Variants in TLN2 observed in about 807,000 individuals in gnomAD.
TLN2 encodes the protein talin 2.
In TLN2, 118 loss-of-function variants were observed where a neutral mutation model predicts 294.7. The ratio of observed to expected loss-of-function variants is 0.40; its 90% confidence interval spans 0.34 to 0.47. TLN2 has a LOEUF of 0.47. Ranked by LOEUF, TLN2 falls within the 20% of genes least tolerant of loss-of-function variation. The pLI, the probability that TLN2 is intolerant of heterozygous loss-of-function variation, is 0.84. For missense variants in TLN2, 3,083 were observed against 3,282.2 expected (o/e 0.94, Z 1.48); for synonymous variants, 1,431 against 1,304.5 (o/e 1.10, Z -2.09).
At chr15:62,432,251 A>G (rs935371347) in intron 1 of TLN2, among the ~76,000 whole-genome samples, 2 of 152,232 alleles carry the variant, frequency 1.3e-5, no homozygotes, top group African/African-American at 4.8e-5. Context: ...TGACCATTTT[A>G]GTCTGTTTCA....
chr15:62,690,891 G>C (rs2057822027), intron 12 of TLN2, among the ~76,000 whole-genome samples: 1 of 151,728 alleles, frequency 6.6e-6, no homozygotes, highest in African/African-American at 2.4e-5. Context: ...GTGCGCGCCT[G>C]CAATCGCAGG....
rs186761084 is a variant in TLN2 at position 62,483,956 on chromosome 15, T to C, written c.-238+93271T>C. On this transcript the variant is annotated intron_variant, in intron 1 of 58. Coordinates refer to ENST00000636159, the MANE Select transcript of TLN2 (RefSeq NM_015059.3). Reference sequence around the variant, plus strand: ...ATAAAAGGGCAGTGCGTAGAGAAGATGTTAGGGAAAGTGGTGGGGTGGAAG... The same window carrying C: ...ATAAAAGGGCAGTGCGTAGAGAAGACGTTAGGGAAAGTGGTGGGGTGGAAG... Among the ~76,000 whole-genome samples, 6 of 152,196 alleles carry C rather than the reference T, an allele frequency of 3.9e-5. No homozygotes were observed. The East Asian group carries it at 9.7e-4, about 25-fold the overall frequency.
intron 19 of TLN2, among the ~76,000 whole-genome samples, chr15:62,703,943 G>A (rs748498064): frequency 1.1e-4 from 17 of 152,170 alleles, no homozygotes; most frequent in Non-Finnish European, 2.1e-4. Context: ...AGCTGCTTAC[G>A]TGCTGGTGGG....
intron 14 of TLN2, among the ~76,000 whole-genome samples, chr15:62,695,703 G>T (rs758856551): frequency 1.3e-5 from 2 of 152,180 alleles, no homozygotes; most frequent in Non-Finnish European, 2.9e-5. Flanking sequence ...CCACTAGTAC[G>T]CAAGTTGGAA....
intron 11 of TLN2, among the ~76,000 whole-genome samples, chr15:62,678,788 A>G (rs958556545): frequency 6.6e-6 from 1 of 152,154 alleles, no homozygotes; most frequent in African/African-American, 2.4e-5. Context: ...CCAAAATTGC[A>G]CTACTGCACT....
chr15:62,582,318 G>C (rs999659706), intron 1 of TLN2, among the ~76,000 whole-genome samples: 83 of 150,990 alleles, frequency 5.5e-4, no homozygotes, highest in African/African-American at 1.9e-3. Context: ...GTCTGCCCCA[G>C]TTTCTTGGAG....
intron 1 of TLN2, among the ~76,000 whole-genome samples, chr15:62,551,731 C>T (rs2042324574): frequency 6.6e-6 from 1 of 152,122 alleles, no homozygotes; most frequent in African/African-American, 2.4e-5. Flanking sequence ...CTGACTGGCT[C>T]TATGTTTTAC....
At position 62,833,451 on chromosome 15, in the gene TLN2, A is replaced by G; in HGVS notation, c.7003-53A>G. On this transcript the variant is annotated intron_variant, in intron 54 of 58. Transcript: ENST00000636159. ...CCCGGCAGTAAGTAGTTTGGAAGAAAGAGCCCTTTGTGGATATGAATTGAA... is the reference window on the plus strand; with the variant it reads ...CCCGGCAGTAAGTAGTTTGGAAGAAGGAGCCCTTTGTGGATATGAATTGAA... The G allele has an allele frequency of 3.1e-6, 5 of 1,590,740 alleles. No individual in the cohort carries two copies. In the South Asian group the frequency reaches 3.4e-5, roughly 11 times the overall value.
chr15:62,626,491 G>T (rs961567361), intron 3 of TLN2, among the ~76,000 whole-genome samples: 1 of 152,118 alleles, frequency 6.6e-6, no homozygotes. Context: ...GCTCACTACC[G>T]CCCTTCATTA....
intron 14 of TLN2, among the ~76,000 whole-genome samples, chr15:62,695,908 G>C (rs1330697628): frequency 6.6e-6 from 1 of 152,144 alleles, no homozygotes; most frequent in East Asian, 1.9e-4. Flanking sequence ...GAGCCCAGAG[G>C]GCTGGGACCT....
chr15:62,808,487 A>G (rs1024887130), intron 51 of TLN2, among the ~76,000 whole-genome samples: 2 of 152,236 alleles, frequency 1.3e-5, no homozygotes, highest in African/African-American at 4.8e-5. Context: ...TCCTAGAAAT[A>G]GAATTAGTGG....
chr15:62,640,476 C>T (rs934587339), intron 3 of TLN2: 2 of 410,794 alleles, frequency 4.9e-6, no homozygotes, highest in East Asian at 7.1e-5. Flanking sequence ...GGCACAAACC[C>T]CTGCTTTACA....
At chr15:62,456,832 C>G (rs543170669) in intron 1 of TLN2, among the ~76,000 whole-genome samples, 15 of 152,266 alleles carry the variant, frequency 9.9e-5, no homozygotes, top group Non-Finnish European at 1.8e-4. Context: ...ACAGGTTCTC[C>G]CTGGCTCTGT....
chr15:62,728,149 C>G (rs894417519), intron 28 of TLN2, among the ~76,000 whole-genome samples: 2 of 152,120 alleles, frequency 1.3e-5, no homozygotes, highest in African/African-American at 2.4e-5. Context: ...CCCCACTCTC[C>G]TTCCCCAGAG....
At chr15:62,476,810 A>G (rs906580852) in intron 1 of TLN2, among the ~76,000 whole-genome samples, 7 of 152,040 alleles carry the variant, frequency 4.6e-5, no homozygotes, top group Admixed American at 2.0e-4. Context: ...CCTCTGTCCA[A>G]CATCCTCTTG....
chr15:62,659,654 T>C (rs908847939), intron 9 of TLN2, among the ~76,000 whole-genome samples: 1 of 152,228 alleles, frequency 6.6e-6, no homozygotes, highest in African/African-American at 2.4e-5. Flanking sequence ...GTTTCTTTTT[T>C]TGTAAGATTA....
intron 1 of TLN2, among the ~76,000 whole-genome samples, chr15:62,535,473 C>G (rs1036009352): frequency 1.3e-5 from 2 of 151,580 alleles, no homozygotes; most frequent in Non-Finnish European, 2.9e-5. Flanking sequence ...TGTGTACACA[C>G]ACACACACAC....
At chr15:62,606,201 C>G (rs1402526091) in intron 2 of TLN2, among the ~76,000 whole-genome samples, 1 of 152,052 alleles carries the variant, frequency 6.6e-6, no homozygotes, top group Non-Finnish European at 1.5e-5. Flanking sequence ...CCTGCCTCAG[C>G]CTCCCATGCA....
At chr15:62,734,564 C>T (rs2060903881) in intron 28 of TLN2, among the ~76,000 whole-genome samples, 1 of 152,230 alleles carries the variant, frequency 6.6e-6, no homozygotes, top group African/African-American at 2.4e-5. Flanking sequence ...TGACCATTCT[C>T]CTCAGATTGT....
Sources: allele counts gnomAD v4.1 joint callset (sites outside exome capture counted in the v4.1 genomes callset), GRCh38; gene constraint gnomAD v4.1.1; transcripts MANE v1.5; gene names NCBI Gene and HGNC (gene_info 2026-07-23, HGNC 2026-07-21).